KRTAP5-10: variants seen among roughly 807,000 people sequenced by gnomAD.
KRTAP5-10 encodes keratin-associated protein 5-10.
KRTAP5-10 carries 1 observed loss-of-function variant against 1.6 expected under a neutral mutation model. The ratio of observed to expected loss-of-function variants is 0.64; its 90% CI spans 0.23 to 3.04. The LOEUF (loss-of-function observed/expected upper bound fraction) is 3.04, where lower values mean the gene tolerates loss of function less well. KRTAP5-10 is among the 30% of genes most tolerant of loss of function. The pLI is 0.21. For synonymous variants in KRTAP5-10, 76 were observed against 102.0 expected, an observed-to-expected ratio of 0.75 and a Z score of 1.54; for missense variants, 219 against 255.2, an observed-to-expected ratio of 0.86 and a Z score of 0.97.
In KRTAP5-10 at chr11:71,565,722, C is replaced by G. The variant is rs747606675; in HGVS notation, c.135C>G (p.Pro45=). ...GCTGTGGCTCCAGCTGCTGTGTGCC[C>G]GTCTGCTGCTGCAAGCCCGTGTGCT... is the stretch of plus-strand genomic sequence containing the variant. The part of the protein sequence containing the change: ...CGGCGSSCCV[P]VCCCKPVCCC... The change falls in exon 1 of 1, where the codon CCC becomes CCG. Residue 45 remains proline, a synonymous_variant. Transcript: ENST00000398531. 6.2e-7 allele frequency: 1 copy of G among 1,608,528 alleles called. No homozygotes were observed. The highest frequency in any genetic ancestry group is 1.4e-5 in the African/African-American group (1 of 73,600).
At position 71,566,084 on chromosome 11, in the gene KRTAP5-10, G is replaced by A; in HGVS notation, c.497G>A (p.Cys166Tyr). The A allele has an allele frequency of 6.2e-7, 1 of 1,611,580 alleles. No individual in the cohort carries two copies. Among genetic ancestry groups the A allele is most frequent in the East Asian group, 2.2e-5 (1 of 44,868 alleles). ...TGCCAGTCCAGCTGCTGCAATCCCT[G>A]CTGCTGCCAGTCCAGCTGCTGTGTC... ...SCCQSSCCNP[C>Y]CCQSSCCVPV... Residue 166 changes from cysteine (C) to tyrosine (Y), a missense_variant, in exon 1 of 1, where the codon TGC (cysteine) becomes TAC (tyrosine). By Grantham distance (194) the Cys-to-Tyr change is radical (BLOSUM62 -2). Around this residue, in one of 3 missense-constraint regions of KRTAP5-10, gnomAD observed 124 missense variants for 127.2 expected, o/e 0.98. Coordinates refer to ENST00000398531, the MANE Select transcript of KRTAP5-10 (RefSeq NM_001012710.2).
In KRTAP5-10 at chr11:71,565,653, G is replaced by C. The variant is rs1950184046; in HGVS notation, c.66G>C (p.Gly22=). The C allele has an allele frequency of 6.3e-7, 1 of 1,597,554 alleles. No individual in the cohort carries two copies. The highest frequency in any genetic ancestry group is 8.5e-7 in the Non-Finnish European group (1 of 1,171,238). Residue 22 remains glycine (G), a synonymous_variant, in exon 1 of 1, where the codon GGG becomes GGC. Coordinates refer to ENST00000398531, the MANE Select transcript of KRTAP5-10 (RefSeq NM_001012710.2). The part of the protein sequence containing the change: ...SGCGGCGSGC[G]GCGSGCGGYG... Reference sequence around the variant, plus strand: ...GTGGGGGTTGTGGCTCCGGCTGTGGGGGCTGTGGCTCCGGCTGTGGGGGCT... The same window carrying C: ...GTGGGGGTTGTGGCTCCGGCTGTGGCGGCTGTGGCTCCGGCTGTGGGGGCT...
Position 71,565,573 on chromosome 11 carries a change from C to T in KRTAP5-10, c.-15C>T, listed in dbSNP as rs1178206797. 6 of 1,605,622 alleles carry T rather than the reference C, an allele frequency of 3.7e-6. No homozygotes were observed. The highest frequency in any genetic ancestry group is 4.2e-6 in the Non-Finnish European group (5 of 1,177,482). On this transcript the variant is annotated 5_prime_UTR_variant, in exon 1 of 1. Coordinates refer to ENST00000398531, the MANE Select transcript of KRTAP5-10 (RefSeq NM_001012710.2). ...CCTGCTCCTCTACCTGATCCACCCT[C>T]AATCTACCAGAATCATGGGCTGCTG... is the stretch of plus-strand genomic sequence containing the variant.
chr11:71,566,225 C>G lies in KRTAP5-10; in HGVS notation c.*29C>G. ...TCTGAACCCAGACCTTCAGGTTTCA[C>G]CTGTTTGGTGAAAGCATTTGTTATG... On this transcript the variant is annotated 3_prime_UTR_variant, in exon 1 of 1. Transcript: ENST00000398531. 6.2e-7 allele frequency: 1 copy of G among 1,613,408 alleles called. No homozygotes were observed. Among genetic ancestry groups the G allele is most frequent in the Non-Finnish European group, 8.5e-7 (1 of 1,179,420 alleles).
rs1381663705 is a variant in KRTAP5-10, at chr11:71,565,800, G to A, written c.213G>A (p.Lys71=). 3.3e-6 allele frequency: 5 copies of A among 1,536,850 alleles called. No individual in the cohort carries two copies. Among genetic ancestry groups the A allele is most frequent in the Non-Finnish European group, 4.4e-6 (5 of 1,135,356 alleles). ...CSSCGSCGGS[K]GDCGSCGGSK... ...GCTGTGGCTCCTGTGGGGGCTCCAA[G>A]GGGGACTGTGGCTCTTGTGGGGGCT... is the stretch of plus-strand genomic sequence containing the variant. The change falls in exon 1 of 1, where the codon AAG becomes AAA. Residue 71 remains lysine (K), a synonymous_variant. Coordinates refer to ENST00000398531, the MANE Select transcript of KRTAP5-10 (RefSeq NM_001012710.2).
rs73530493 is a variant in KRTAP5-10 at position 71,566,325 on chromosome 11, G to T, written c.*129G>T. The stretch of plus-strand genomic sequence containing the variant: ...CTTCTCCAGCTCATCATCCATGCAC[G>T]CACCTCCTTCCATGGCTCAGCTCTC... On this transcript the variant is annotated 3_prime_UTR_variant, in exon 1 of 1. Coordinates refer to ENST00000398531, the MANE Select transcript of KRTAP5-10 (RefSeq NM_001012710.2). The T allele has an allele frequency of 4.3e-6, 6 of 1,393,644 alleles. No individual in the cohort carries two copies. The highest frequency in any genetic ancestry group is 6.0e-6 in the Non-Finnish European group (6 of 1,004,882). 86.3% of individuals were successfully genotyped at this position (1,393,644 alleles called of 1,614,324 possible).
At position 71,565,859 on chromosome 11, in the gene KRTAP5-10, A is replaced by G. The variant is rs201034939; in HGVS notation, c.272A>G (p.Lys91Arg). The G allele has an allele frequency of 1.2e-4, 133 of 1,124,198 alleles. 1 individual carries two copies. The South Asian group carries it at 1.7e-3, about 14-fold the overall frequency. 69.6% of individuals were successfully genotyped at this position (1,124,198 alleles called of 1,614,324 possible). A position where few individuals can be genotyped will look rare whatever the true frequency, so the allele number is the denominator to read the frequency against. The change falls in exon 1 of 1, where the codon AAG (lysine) becomes AGG (arginine). Residue 91 changes from lysine (K) to arginine (R), a missense_variant. This residue lies in a region of KRTAP5-10 where 3 missense variants were observed against 19.3 expected (regional missense o/e 0.16). Transcript: ENST00000398531. ...KGGCGSCGGS[K>R]GGCGSCGGSK... is the part of the protein sequence containing the mutation. ...GGCTGTGGTTCCTGTGGGGGCTCCA[A>G]GGGGGGCTGTGGCTCCTGTGGGGGC...
Position 71,566,547 on chromosome 11 carries a change from T to G in KRTAP5-10, c.*351T>G, listed in dbSNP as rs1329323302. ...ACAAGGCCAGGCCAATGTTGCTCAG[T>G]GATCACTAAGAACCAGCTTCTCAAC... On this transcript the variant is annotated 3_prime_UTR_variant, in exon 1 of 1. Coordinates refer to ENST00000398531, the MANE Select transcript of KRTAP5-10 (RefSeq NM_001012710.2). 1 of 384,194 alleles carries G rather than the reference T, an allele frequency of 2.6e-6. No homozygotes were observed. Among genetic ancestry groups the G allele is most frequent in the Non-Finnish European group, 5.0e-6 (1 of 199,916 alleles). The allele number at this position is 384,194 out of a possible 1,614,324, so 23.8% of individuals were successfully genotyped here.
In KRTAP5-10 at chr11:71,566,402, T is replaced by C. The variant is rs182425245; in HGVS notation, c.*206T>C. The C allele has an allele frequency of 5.9e-4, 503 of 854,990 alleles. 1 individual carries two copies. Among genetic ancestry groups the C allele is most frequent in the Non-Finnish European group, 8.2e-4 (454 of 554,346 alleles). 53.0% of individuals were successfully genotyped at this position (854,990 alleles called of 1,614,324 possible). A position where few individuals can be genotyped will look rare whatever the true frequency, so the allele number is the denominator to read the frequency against. On this transcript the variant is annotated 3_prime_UTR_variant, in exon 1 of 1. Transcript: ENST00000398531. ...ACTCCGGAAATGCATGTTTCCTTGATGCAGGAGGTGGCCTTGCCTGGACGC... is the reference window on the plus strand; with the variant it reads ...ACTCCGGAAATGCATGTTTCCTTGACGCAGGAGGTGGCCTTGCCTGGACGC...
Position 71,566,363 on chromosome 11 carries a change from C to A in KRTAP5-10, c.*167C>A. 1 of 1,056,616 alleles carries A rather than the reference C, an allele frequency of 9.5e-7. No individual in the cohort carries two copies. The highest frequency in any genetic ancestry group is 1.4e-6 in the Non-Finnish European group (1 of 728,118). 65.5% of individuals were successfully genotyped at this position (1,056,616 alleles called of 1,614,324 possible). On this transcript the variant is annotated 3_prime_UTR_variant, in exon 1 of 1. Coordinates refer to ENST00000398531, the MANE Select transcript of KRTAP5-10 (RefSeq NM_001012710.2). ...TGGCTCAGCTCTCCACTGGGCCCTG[C>A]CTTCAGCCTCCTCACTCCGGAAATG...
rs1950191154 is a variant in KRTAP5-10 at position 71,566,270 on chromosome 11, T to A, written c.*74T>A. 1 of 1,592,698 alleles carries A rather than the reference T, an allele frequency of 6.3e-7. No homozygotes were observed. ...GTTATGATTTCCCTGAATTAATTCA[T>A]CCCACGCATCCTCCCTGAGGCACCT... On this transcript the variant is annotated 3_prime_UTR_variant, in exon 1 of 1. Coordinates refer to ENST00000398531, the MANE Select transcript of KRTAP5-10 (RefSeq NM_001012710.2).
In KRTAP5-10 at chr11:71,566,392, G is replaced by A; in HGVS notation, c.*196G>A. ...CAGCCTCCTCACTCCGGAAATGCAT[G>A]TTTCCTTGATGCAGGAGGTGGCCTT... On this transcript the variant is annotated 3_prime_UTR_variant, in exon 1 of 1. Transcript: ENST00000398531. The A allele has an allele frequency of 1.1e-6, 1 of 897,382 alleles. No individual in the cohort carries two copies. The highest frequency in any genetic ancestry group is 1.7e-5 in the African/African-American group (1 of 59,046). 55.6% of individuals were successfully genotyped at this position (897,382 alleles called of 1,614,324 possible). A position where few individuals can be genotyped will look rare whatever the true frequency, so the allele number is the denominator to read the frequency against.
rs1351237464 is a variant in KRTAP5-10, at chr11:71,565,714, T to TGTGTGCCCGTCTGCTGCTGCAAGCCC, written c.134_159dup (p.Cys54ProfsTer172). 1.2e-6 allele frequency: 2 copies of TGTGTGCCCGTCTGCTGCTGCAAGCCC among 1,606,234 alleles called. No individual in the cohort carries two copies. Among genetic ancestry groups the TGTGTGCCCGTCTGCTGCTGCAAGCCC allele is most frequent in the African/African-American group, 2.7e-5 (2 of 73,210 alleles). ...CTGTGGGGGCTGTGGCTCCAGCTGC[T>TGTGTGCCCGTCTGCTGCTGCAAGCCC]GTGTGCCCGTCTGCTGCTGCAAGCC... On this transcript the variant is annotated frameshift_variant, in exon 1 of 1. Coordinates refer to ENST00000398531, the MANE Select transcript of KRTAP5-10 (RefSeq NM_001012710.2). LOFTEE classifies it low-confidence loss of function (END_TRUNC).
Position 71,565,630 on chromosome 11 carries a change from G to A in KRTAP5-10, c.43G>A (p.Gly15Arg). Reference protein sequence around the residue: ...GCSGGCGSGCGGCGSGCGGCG... With the variant: ...GCSGGCGSGCRGCGSGCGGCG... ...CTCCGGAGGCTGTGGCTCCGGCTGTGGGGGTTGTGGCTCCGGCTGTGGGGG... is the reference window on the plus strand; with the variant it reads ...CTCCGGAGGCTGTGGCTCCGGCTGTAGGGGTTGTGGCTCCGGCTGTGGGGG... The change falls in exon 1 of 1, where the codon GGG (glycine) becomes AGG (arginine). Residue 15 changes from glycine (G) to arginine (R), a missense_variant. This residue lies in a region of KRTAP5-10 where 92 missense variants were observed against 108.8 expected (regional missense o/e 0.85). Transcript: ENST00000398531. 1 of 1,552,264 alleles carries A rather than the reference G, an allele frequency of 6.4e-7. No individual in the cohort carries two copies. The highest frequency in any genetic ancestry group is 8.7e-7 in the Non-Finnish European group (1 of 1,144,792).
Position 71,566,217 on chromosome 11 carries a change from A to G in KRTAP5-10, c.*21A>G. On this transcript the variant is annotated 3_prime_UTR_variant, in exon 1 of 1. Transcript: ENST00000398531. The stretch of plus-strand genomic sequence containing the variant: ...TCTGAGGCTCTGAACCCAGACCTTC[A>G]GGTTTCACCTGTTTGGTGAAAGCAT... The G allele has an allele frequency of 1.9e-6, 3 of 1,613,620 alleles. No homozygotes were observed. The highest frequency in any genetic ancestry group is 1.1e-5 in the South Asian group (1 of 91,056).
rs1369665612 is a variant in KRTAP5-10 at position 71,566,223 on chromosome 11, C to T, written c.*27C>T. ...GCTCTGAACCCAGACCTTCAGGTTTCACCTGTTTGGTGAAAGCATTTGTTA... is the reference window on the plus strand; with the variant it reads ...GCTCTGAACCCAGACCTTCAGGTTTTACCTGTTTGGTGAAAGCATTTGTTA... On this transcript the variant is annotated 3_prime_UTR_variant, in exon 1 of 1. Coordinates refer to ENST00000398531, the MANE Select transcript of KRTAP5-10 (RefSeq NM_001012710.2). The T allele has an allele frequency of 3.7e-6, 6 of 1,613,334 alleles. No individual in the cohort carries two copies. The highest frequency in any genetic ancestry group is 2.2e-5 in the East Asian group (1 of 44,884).
In KRTAP5-10 at chr11:71,566,241, A is replaced by G. The variant is rs866888228; in HGVS notation, c.*45A>G. ...CAGGTTTCACCTGTTTGGTGAAAGC[A>G]TTTGTTATGATTTCCCTGAATTAAT... On this transcript the variant is annotated 3_prime_UTR_variant, in exon 1 of 1. Transcript: ENST00000398531. 2 of 1,609,974 alleles carry G rather than the reference A, an allele frequency of 1.2e-6. No individual in the cohort carries two copies. The highest frequency in any genetic ancestry group is 1.7e-4 in the Middle Eastern group (1 of 6,048).
At position 71,565,667 on chromosome 11, in the gene KRTAP5-10, G is replaced by T; in HGVS notation, c.80G>T (p.Gly27Val). The T allele has an allele frequency of 6.3e-7, 1 of 1,598,380 alleles. No individual in the cohort carries two copies. The highest frequency in any genetic ancestry group is 8.5e-7 in the Non-Finnish European group (1 of 1,172,506). Reference protein sequence around the residue: ...CGSGCGGCGSGCGGYGSGCGG... With the variant: ...CGSGCGGCGSVCGGYGSGCGG... ...TCCGGCTGTGGGGGCTGTGGCTCCG[G>T]CTGTGGGGGCTATGGCTCTGGCTGT... is the stretch of plus-strand genomic sequence containing the variant. Residue 27 changes from glycine to valine, a missense_variant, in exon 1 of 1, where the codon GGC becomes GTC. By Grantham distance (109) the Gly-to-Val change is moderately radical (BLOSUM62 -3). Transcript: ENST00000398531.
At position 71,566,130 on chromosome 11, in the gene KRTAP5-10, C is replaced by T; in HGVS notation, c.543C>T (p.Ser181=). Residue 181 remains serine, a synonymous_variant, in exon 1 of 1, where the codon AGC becomes AGT. Coordinates refer to ENST00000398531, the MANE Select transcript of KRTAP5-10 (RefSeq NM_001012710.2). ...GTGTCCCCGTGTGCTGCCAGTCTAG[C>T]TGCTGCAAGCCCTGCTGCTGTCAGT... ...SCCVPVCCQS[S]CCKPCCCQSS... 2 of 1,613,060 alleles carry T rather than the reference C, an allele frequency of 1.2e-6. No homozygotes were observed. The highest frequency in any genetic ancestry group is 1.3e-5 in the African/African-American group (1 of 74,902).
Sources: gnomAD v4.1 joint callset for allele counts on GRCh38, gnomAD v4.1.1 for gene constraint, gnomAD v4.1.1 regional missense constraint, MANE v1.5 for transcripts, NCBI Gene and HGNC (gene_info 2026-07-23, HGNC 2026-07-21) for gene names.